Variants in MYLK2 observed in about 807,000 individuals in gnomAD.
The protein encoded by MYLK2 is myosin light chain kinase 2, skeletal/cardiac muscle.
MYLK2 carries 27 observed loss-of-function variants against 58.2 expected under a neutral mutation model. That is an observed-to-expected ratio of 0.46 (90% CI 0.34 to 0.64). The LOEUF (loss-of-function observed/expected upper bound fraction) is 0.64. Among genes scored for constraint, MYLK2 ranks in the 30% least tolerant of loss-of-function variants. MYLK2 has a pLI of 0.01. For synonymous variants in MYLK2, 310 were observed against 296.7 expected (o/e 1.04, Z -0.46); for missense variants, 676 against 764.3 (o/e 0.88, Z 1.36).
At chr20:31,823,914 C>A (rs1021297359) in intron 5 of MYLK2, 3 of 984,116 alleles carry the variant, frequency 3.0e-6, no homozygotes, top group African/African-American at 3.5e-5. Context: ...CAGTCTTATA[C>A]CTCTGCAGAT....
chr20:31,821,411 G>GCTT (rs1307044215), intron 3 of MYLK2, 28 bp from the exon 4 acceptor site: 5 of 1,611,966 alleles, frequency 3.1e-6, no homozygotes, highest in Non-Finnish European at 4.2e-6. Context: ...GCCGCTGAGG[G>GCTT]CTTCACCTCT....
rs1568627694 is a variant in MYLK2, at chr20:31,821,471, G to C, written c.506G>C (p.Ser169Thr). The stretch of plus-strand genomic sequence containing the variant: ...AAGCTGCTGGCCAAGAAGCCCCCAA[G>C]CGAGGCATCAGAGCTCACCTTTGAA... ...SEKLLAKKPP[S>T]EASELTFEGV... Residue 169 changes from serine to threonine, a missense_variant, in exon 4 of 13, where the codon AGC (serine) becomes ACC (threonine). Ser to Thr is a moderately conservative substitution (Grantham distance 58). Transcript: ENST00000375985. 1 of 1,613,858 alleles carries C rather than the reference G, an allele frequency of 6.2e-7. No homozygotes were observed. The highest frequency in any genetic ancestry group is 8.5e-7 in the Non-Finnish European group (1 of 1,180,046).
In MYLK2 at chr20:31,820,515, C is replaced by G. The variant is rs770490246; in HGVS notation, c.442C>G (p.His148Asp). Residue 148 changes from histidine (H) to aspartate (D), a missense_variant, in exon 3 of 13, where the codon CAT becomes GAT. Physicochemically the swap from His to Asp is moderately conservative, Grantham distance 81. This residue lies in a region of MYLK2 where 306 missense variants were observed against 296.5 expected (regional missense o/e 1.03). Coordinates refer to ENST00000375985, the MANE Select transcript of MYLK2 (RefSeq NM_033118.4). ...CAGGAGGGGCTCACCTGCCTTTCTG[C>G]ATAGCCCCAGCTGTCCTGCCATCAT... ...AARRGSPAFL[H>D]SPSCPAIISS... 1.2e-6 allele frequency: 2 copies of G among 1,603,500 alleles called. No homozygotes were observed. The highest frequency in any genetic ancestry group is 2.7e-5 in the African/African-American group (2 of 74,950).
chr20:31,826,880 A>G lies in MYLK2; in HGVS notation c.1166A>G (p.Gln389Arg). 6.2e-7 allele frequency: 1 copy of G among 1,614,114 alleles called. No individual in the cohort carries two copies. Among genetic ancestry groups the G allele is most frequent in the Non-Finnish European group, 8.5e-7 (1 of 1,180,010 alleles). Residue 389 changes from glutamine (Q) to arginine (R), a missense_variant, in exon 8 of 13, where the codon CAG becomes CGG. Gln to Arg is a conservative substitution (Grantham distance 43). Transcript: ENST00000375985. ...TEVDTMVFVR[Q>R]ICDGILFMHK... Reference sequence around the variant, plus strand: ...GTGGACACCATGGTGTTTGTCAGGCAGATCTGTGACGGGATCCTCTTCATG... The same window carrying G: ...GTGGACACCATGGTGTTTGTCAGGCGGATCTGTGACGGGATCCTCTTCATG...
chr20:31,831,306 C>T (rs546865259), intron 10 of MYLK2, among the ~76,000 whole-genome samples, 165 bp downstream of exon 10: 11 of 151,724 alleles, frequency 7.3e-5, no homozygotes, highest in East Asian at 1.9e-4. Context: ...GAAAGGGGAA[C>T]GTGGTACCCA....
At chr20:31,820,674 G>A in intron 3 of MYLK2, 128 bp downstream of exon 3, 1 of 1,210,168 alleles carries the variant, frequency 8.3e-7, no homozygotes, top group East Asian at 2.5e-5. Flanking sequence ...CTGACATTCA[G>A]TTTCCTCTGT....
rs1346438622 is a variant in MYLK2 at position 31,820,320 on chromosome 20, G to T, written c.247G>T (p.Gly83Cys). Residue 83 changes from glycine to cysteine, a missense_variant, in exon 3 of 13, where the codon GGC becomes TGC. Transcript: ENST00000375985. ...SQGPKGEGDR[G>C]GGPAEGSAGP... ...AGGCCCCAAAGGAGAGGGTGACAGG[G>T]GCGGGGGGCCCGCGGAGGGCAGTGC... 1 of 1,613,152 alleles carries T rather than the reference G, an allele frequency of 6.2e-7. No homozygotes were observed.
intron 4 of MYLK2, among the ~76,000 whole-genome samples, chr20:31,822,800 C>A (rs918245211): frequency 6.6e-6 from 1 of 152,174 alleles, no homozygotes; most frequent in African/African-American, 2.4e-5. Context: ...CAGAGACCTC[C>A]GCCCCGCCCC....
At chr20:31,825,108 C>G (rs1450942306) in intron 6 of MYLK2, among the ~76,000 whole-genome samples, 1 of 152,190 alleles carries the variant, frequency 6.6e-6, no homozygotes, top group Non-Finnish European at 1.5e-5. Flanking sequence ...GAGTGAGGTT[C>G]TGGGCATCCC....
chr20:31,829,152 TG>T (rs1411769636), intron 8 of MYLK2, among the ~76,000 whole-genome samples: 3 of 152,168 alleles, frequency 2.0e-5, no homozygotes, highest in African/African-American at 7.2e-5. Context: ...CTAATTTCTT[TG>T]GGGCAGAATA....
intron 4 of MYLK2, 137 bp from the exon 5 acceptor site, chr20:31,823,340 G>C: frequency 1.3e-6 from 1 of 744,196 alleles, no homozygotes; most frequent in Non-Finnish European, 2.3e-6. Flanking sequence ...CCCTATCCTG[G>C]AGCCAGGTGT....
At position 31,821,765 on chromosome 20, in the gene MYLK2, G is replaced by T. The variant is rs1199419564; in HGVS notation, c.772+28G>T. 1.9e-6 allele frequency: 3 copies of T among 1,561,928 alleles called. No individual in the cohort carries two copies. In the African/African-American group the frequency reaches 4.1e-5, roughly 21 times the overall value. ...AGGCCAGGGGCAGGTGGGGGCTGGG[G>T]CTGCCCTGGGGCCAGGGGGAGGGAA... On this transcript the variant is annotated intron_variant, in intron 4 of 12. Coordinates refer to ENST00000375985, the MANE Select transcript of MYLK2 (RefSeq NM_033118.4).
At chr20:31,831,416 A>G (rs1185395398) in intron 10 of MYLK2, among the ~76,000 whole-genome samples, 1 of 152,012 alleles carries the variant, frequency 6.6e-6, no homozygotes, top group East Asian at 1.9e-4. Flanking sequence ...GACATTTCCT[A>G]TGTGCTCACC....
At chr20:31,822,189 G>C (rs113775210) in intron 4 of MYLK2, among the ~76,000 whole-genome samples, 1,914 of 152,252 alleles carry the variant, frequency 0.013, 34 homozygotes, top group African/African-American at 0.044. Flanking sequence ...ATTTGAACCT[G>C]TCAGGCCACC....
At chr20:31,827,175 T>A (rs1421173763) in intron 8 of MYLK2, 1 of 984,860 alleles carries the variant, frequency 1.0e-6, no homozygotes, top group East Asian at 1.1e-4. Context: ...TTCATGGAAC[T>A]TCTAGTCTAG....
chr20:31,821,680 G>C lies in MYLK2; in HGVS notation c.715G>C (p.Glu239Gln), dbSNP rs768716432. 1 of 1,613,206 alleles carries C rather than the reference G, an allele frequency of 6.2e-7. No individual in the cohort carries two copies. Among genetic ancestry groups the C allele is most frequent in the Admixed American group, 1.7e-5 (1 of 60,018 alleles). Residue 239 changes from glutamate to glutamine, a missense_variant, in exon 4 of 13, where the codon GAG (glutamate) becomes CAG (glutamine). This residue lies in a region of MYLK2 where 306 missense variants were observed against 296.5 expected (regional missense o/e 1.03). Coordinates refer to ENST00000375985, the MANE Select transcript of MYLK2 (RefSeq NM_033118.4). ...EFQAVPSEKS[E>Q]VGQALCLTAR... ...CCAGGCTGTTCCCTCAGAGAAATCCGAGGTGGGGCAGGCCCTCTGTCTCAC... is the reference window on the plus strand; with the variant it reads ...CCAGGCTGTTCCCTCAGAGAAATCCCAGGTGGGGCAGGCCCTCTGTCTCAC...
intron 3 of MYLK2, 23 bp downstream of exon 3, chr20:31,820,569 G>A (rs966407773): frequency 3.8e-6 from 6 of 1,598,314 alleles, no homozygotes; most frequent in Admixed American, 1.7e-5. Context: ...TCCTGGGAGT[G>A]GGGAGGGGTC....
At chr20:31,824,987 G>A (rs2062271504) in intron 6 of MYLK2, among the ~76,000 whole-genome samples, 1 of 152,216 alleles carries the variant, frequency 6.6e-6, no homozygotes, top group South Asian at 2.1e-4. Flanking sequence ...GCTGCCTTTT[G>A]AGCGAGGGCT....
chr20:31,824,213 C>A (rs753197564), intron 5 of MYLK2, 46 bp from the exon 6 acceptor site: 3 of 1,594,962 alleles, frequency 1.9e-6, no homozygotes, highest in African/African-American at 2.7e-5. Flanking sequence ...CCACTGACCC[C>A]GGTGGGCTCT....
Sources: allele counts gnomAD v4.1 joint callset (sites outside exome capture counted in the v4.1 genomes callset), GRCh38; gene constraint gnomAD v4.1.1; regional missense constraint gnomAD v4.1.1; transcripts MANE v1.5; gene names NCBI Gene and HGNC (gene_info 2026-07-23, HGNC 2026-07-21).